Variants in IQCJ observed in about 807,000 individuals in gnomAD.
The protein encoded by IQCJ is IQ motif containing J, also known as IQ domain-containing protein J.
IQCJ carries 9 observed loss-of-function variants against 11.0 expected under a neutral mutation model. The ratio of observed to expected loss-of-function variants is 0.82; its 90% CI spans 0.49 to 1.43. The LOEUF (loss-of-function observed/expected upper bound fraction) is 1.43. Ranked by LOEUF, IQCJ falls within the 40% of genes most tolerant of loss-of-function variation. IQCJ has a pLI of 0.00. For missense variants in IQCJ, 146 were observed against 133.2 expected, an observed-to-expected ratio of 1.10 and a Z score of -0.47; for synonymous variants, 55 against 51.3, an observed-to-expected ratio of 1.07 and a Z score of -0.31.
chr3:159,127,030 T>G (rs1016068745), intron 1 of IQCJ, among the ~76,000 whole-genome samples: 1 of 152,212 alleles, frequency 6.6e-6, no homozygotes, highest in African/African-American at 2.4e-5. Context: ...TGCTTTTGGC[T>G]CCTGTGTGGC....
intron 1 of IQCJ, among the ~76,000 whole-genome samples, chr3:159,161,964 T>G (rs1244247361): frequency 6.6e-6 from 1 of 152,226 alleles, no homozygotes; most frequent in Admixed American, 6.5e-5. Context: ...TCAGGTAGCG[T>G]GATGCCTCCA....
chr3:159,152,135 C>T (rs761143610), intron 1 of IQCJ, among the ~76,000 whole-genome samples: 24 of 152,060 alleles, frequency 1.6e-4, no homozygotes, highest in Non-Finnish European at 2.4e-4. Context: ...CAATGATTGC[C>T]GCCTCCAGGA....
chr3:159,106,162 G>C lies in IQCJ; in HGVS notation c.9+36721G>C, dbSNP rs574802505. ...GGAACTAAGGTGAATTGACTACAGG[G>C]GAATGAGAGGGAAAGGCTTACAATG... On this transcript the variant is annotated intron_variant, in intron 1 of 3. Coordinates refer to ENST00000397832, the MANE Select transcript of IQCJ (RefSeq NM_001042706.3). 2.8e-4 allele frequency among the ~76,000 whole-genome samples: 42 copies of C among 152,264 alleles called. No individual in the cohort carries two copies. The South Asian group carries it at 8.5e-3, about 31-fold the overall frequency.
intron 1 of IQCJ, among the ~76,000 whole-genome samples, chr3:159,092,699 AACAC>A (rs57083405): frequency 3.8e-4 from 54 of 141,684 alleles, no homozygotes; most frequent in South Asian, 1.4e-3. Context: ...CTCCATCACA[AACAC>A]ACACACACAC....
In IQCJ at chr3:159,238,017, G is replaced by A. The variant is rs370499845; in HGVS notation, c.10-7826G>A. Among the ~76,000 whole-genome samples, 88 of 152,256 alleles carry A rather than the reference G, an allele frequency of 5.8e-4. 1 individual carries two copies. In the South Asian group the frequency reaches 0.011, roughly 19 times the overall value. On this transcript the variant is annotated intron_variant, in intron 1 of 3. Coordinates refer to ENST00000397832, the MANE Select transcript of IQCJ (RefSeq NM_001042706.3). ...ATTTACATAGTTGTGGCAGAGTAGA[G>A]GAGAAGCCACAAGGAAGAAGGAAGC...
chr3:159,169,917 AC>A (rs951072313), intron 1 of IQCJ, among the ~76,000 whole-genome samples: 56 of 151,904 alleles, frequency 3.7e-4, no homozygotes, highest in African/African-American at 1.3e-3. Context: ...TCAGACTTCC[AC>A]CCCTCATCAC....
At chr3:159,177,679 A>T (rs1722868495) in intron 1 of IQCJ, among the ~76,000 whole-genome samples, 1 of 152,198 alleles carries the variant, frequency 6.6e-6, no homozygotes, top group South Asian at 2.1e-4. Context: ...TGGTGGTTGC[A>T]TGATTGTAGC....
chr3:159,113,651 C>A (rs1277579746), intron 1 of IQCJ, among the ~76,000 whole-genome samples: 1 of 152,180 alleles, frequency 6.6e-6, no homozygotes, highest in African/African-American at 2.4e-5. Context: ...GTGTAACAGG[C>A]TGAGATAGTA....
intron 1 of IQCJ, among the ~76,000 whole-genome samples, chr3:159,131,571 T>C (rs1240827404): frequency 6.6e-6 from 1 of 152,174 alleles, no homozygotes; most frequent in Non-Finnish European, 1.5e-5. Flanking sequence ...ATGGTGCAAT[T>C]CTCACTGAGC....
chr3:159,263,570 G>A lies in IQCJ; in HGVS notation c.*839G>A. 1 of 985,176 alleles carries A rather than the reference G, an allele frequency of 1.0e-6. No homozygotes were observed. The highest frequency in any genetic ancestry group is 1.2e-6 in the Non-Finnish European group (1 of 829,732). 61.0% of individuals were successfully genotyped at this position (985,176 alleles called of 1,614,324 possible). ...TGAAATGCTGAAAAGTTAGAGAAAT[G>A]AAGTAATTACACAAGTATATTACTT... On this transcript the variant is annotated 3_prime_UTR_variant, in exon 4 of 4. Transcript: ENST00000397832.
chr3:159,233,314 C>T (rs973850625), intron 1 of IQCJ, among the ~76,000 whole-genome samples: 1 of 152,104 alleles, frequency 6.6e-6, no homozygotes, highest in South Asian at 2.1e-4. Context: ...AAGAAAGGTT[C>T]CAAGGAGTTG....
In IQCJ at chr3:159,230,828, A is replaced by G. The variant is rs550399706; in HGVS notation, c.10-15015A>G. On this transcript the variant is annotated intron_variant, in intron 1 of 3. Coordinates refer to ENST00000397832, the MANE Select transcript of IQCJ (RefSeq NM_001042706.3). ...GTCTTATCCAGGGTAGTGTTTGTCA[A>G]CTTCTCCACCCAGAAATCTCAAAGG... Among the ~76,000 whole-genome samples the G allele has an allele frequency of 4.1e-4, 63 of 152,306 alleles. No individual in the cohort carries two copies. The South Asian group carries it at 0.013, about 32-fold the overall frequency.
At chr3:159,144,247 A>G (rs546148895) in intron 1 of IQCJ, among the ~76,000 whole-genome samples, 2 of 152,332 alleles carry the variant, frequency 1.3e-5, no homozygotes, top group Admixed American at 1.3e-4. Flanking sequence ...TCAGTTGCAG[A>G]TCCAGGACTG....
chr3:159,077,616 T>C (rs1265406249), intron 1 of IQCJ, among the ~76,000 whole-genome samples: 1 of 152,160 alleles, frequency 6.6e-6, no homozygotes, highest in African/African-American at 2.4e-5. Context: ...GCATGAATGA[T>C]ACTGTGTTAA....
chr3:159,214,405 A>G (rs1204145348), intron 1 of IQCJ, among the ~76,000 whole-genome samples: 7 of 152,050 alleles, frequency 4.6e-5, no homozygotes, highest in Admixed American at 3.3e-4. Context: ...CCTTAGTTCC[A>G]TATCTTGCTG....
rs1296438492 is a variant in IQCJ, at chr3:159,087,313, G to A, written c.9+17872G>A. On this transcript the variant is annotated intron_variant, in intron 1 of 3. Transcript: ENST00000397832. ...AGCTTTTTGATGTGCTGCTGGATTT[G>A]TTTTGCCAGTATTTTATTGAGGATT... Among the ~76,000 whole-genome samples, 7 of 151,356 alleles carry A rather than the reference G, an allele frequency of 4.6e-5. No homozygotes were observed. In the East Asian group the frequency reaches 9.7e-4, roughly 21 times the overall value.
chr3:159,081,262 A>G (rs1716289687), intron 1 of IQCJ, among the ~76,000 whole-genome samples: 1 of 152,122 alleles, frequency 6.6e-6, no homozygotes, highest in Non-Finnish European at 1.5e-5. Flanking sequence ...TTTCTTTTGT[A>G]AGAGCAAGAC....
chr3:159,118,564 G>A (rs1479589864), intron 1 of IQCJ, among the ~76,000 whole-genome samples: 1 of 152,200 alleles, frequency 6.6e-6, no homozygotes, highest in African/African-American at 2.4e-5. Flanking sequence ...TCAGGGATGT[G>A]AAGTGACTAG....
intron 1 of IQCJ, among the ~76,000 whole-genome samples, chr3:159,239,782 A>G (rs1174488624): frequency 3.9e-5 from 6 of 152,216 alleles, no homozygotes; most frequent in Non-Finnish European, 7.3e-5. Context: ...TACTTTTTCT[A>G]GATTTGGATA....
Sources: gnomAD v4.1 joint callset for allele counts (sites outside exome capture counted in the v4.1 genomes callset) on GRCh38, gnomAD v4.1.1 for gene constraint, MANE v1.5 for transcripts, NCBI Gene and HGNC (gene_info 2026-07-23, HGNC 2026-07-21) for gene names.